Variants in ZBTB16 observed in about 807,000 individuals in gnomAD.
The protein encoded by ZBTB16 is zinc finger and BTB domain containing 16.
ZBTB16 carries 8 observed loss-of-function variants against 56.8 expected under a neutral mutation model. That is an observed-to-expected ratio of 0.14 (90% confidence interval 0.08 to 0.25). The LOEUF (loss-of-function observed/expected upper bound fraction) is 0.25. Among genes scored for constraint, ZBTB16 ranks in the 10% least tolerant of loss-of-function variants. The pLI is 1.00. For missense variants in ZBTB16, 625 were observed against 903.0 expected, an observed-to-expected ratio of 0.69 and a Z score of 3.95; for synonymous variants, 363 against 368.5, an observed-to-expected ratio of 0.98 and a Z score of 0.17.
chr11:114,112,095 T>C (rs1941021909), intron 2 of ZBTB16, among the ~76,000 whole-genome samples: 1 of 152,206 alleles, frequency 6.6e-6, no homozygotes, highest in African/African-American at 2.4e-5. Flanking sequence ...ATGTGTAAAT[T>C]TGACTACATC....
chr11:114,078,484 C>T (rs1455178173), intron 2 of ZBTB16, among the ~76,000 whole-genome samples: 1 of 152,194 alleles, frequency 6.6e-6, no homozygotes, highest in East Asian at 1.9e-4. Flanking sequence ...AGTCAATAAG[C>T]TGTCTGAGAA....
At chr11:114,199,265 TGCC>T (rs1943677372) in intron 4 of ZBTB16, among the ~76,000 whole-genome samples, 1 of 147,858 alleles carries the variant, frequency 6.8e-6, no homozygotes, top group African/African-American at 2.6e-5. Context: ...CGGACATGGA[TGCC>T]GCTGGGCCCA....
At chr11:114,202,391 G>A (rs763531484) in intron 4 of ZBTB16, among the ~76,000 whole-genome samples, 3 of 152,104 alleles carry the variant, frequency 2.0e-5, no homozygotes, top group Non-Finnish European at 2.9e-5. Flanking sequence ...ATGGTACCAC[G>A]AGGTCACAGA....
intron 2 of ZBTB16, among the ~76,000 whole-genome samples, chr11:114,083,063 G>A (rs1038844656): frequency 4.6e-5 from 7 of 152,204 alleles, no homozygotes; most frequent in African/African-American, 1.7e-4. Flanking sequence ...TAACCTCAAC[G>A]GAGGAGCGGG....
chr11:114,089,871 G>A (rs1940120685), intron 2 of ZBTB16, among the ~76,000 whole-genome samples: 1 of 152,224 alleles, frequency 6.6e-6, no homozygotes, highest in Non-Finnish European at 1.5e-5. Flanking sequence ...AAGGTTCAGA[G>A]GTTTTATAGG....
At chr11:114,247,502 G>C (rs1029317593) in intron 6 of ZBTB16, 137 bp downstream of exon 6, 81 of 1,284,500 alleles carry the variant, frequency 6.3e-5, no homozygotes, top group Non-Finnish European at 8.5e-5. Context: ...ATTAAGAGCT[G>C]GTATGGTGGC....
In ZBTB16 at chr11:114,253,832, G is replaced by A. The variant is rs12573952; in HGVS notation, c.*3277G>A. Among the ~76,000 whole-genome samples, 8,037 of 152,306 alleles carry A rather than the reference G, an allele frequency of 0.053. 266 individuals carry two copies. The highest frequency in any genetic ancestry group is 0.074 in the Non-Finnish European group (5,061 of 68,018). ...AGGCTTTATATGTGTCTGGAGTTAA[G>A]GGGAGAGGAGGAGGGTAGACAGGGG... On this transcript the variant is annotated 3_prime_UTR_variant, in exon 7 of 7. Coordinates refer to ENST00000335953, the MANE Select transcript of ZBTB16 (RefSeq NM_006006.6).
chr11:114,179,409 T>C (rs537544431), intron 3 of ZBTB16, among the ~76,000 whole-genome samples: 1 of 152,316 alleles, frequency 6.6e-6, no homozygotes, highest in African/African-American at 2.4e-5. Context: ...TAAGAGGTAC[T>C]GTAAATAAAA....
At chr11:114,181,785 T>C (rs888539825) in intron 3 of ZBTB16, among the ~76,000 whole-genome samples, 2 of 152,150 alleles carry the variant, frequency 1.3e-5, no homozygotes, top group African/African-American at 4.8e-5. Context: ...GCGCACTTTA[T>C]CTTCTGCTAT....
At chr11:114,197,530 G>T (rs1943637514) in intron 4 of ZBTB16, among the ~76,000 whole-genome samples, 1 of 151,986 alleles carries the variant, frequency 6.6e-6, no homozygotes, top group African/African-American at 2.4e-5. Context: ...CTTGGTGTTG[G>T]CTGCCTGCTT....
chr11:114,219,303 A>C (rs780722400), intron 4 of ZBTB16, among the ~76,000 whole-genome samples: 25 of 152,178 alleles, frequency 1.6e-4, no homozygotes, highest in Non-Finnish European at 3.4e-4. Context: ...ACCAACCAAC[A>C]AACAGAACAC....
At chr11:114,211,139 C>G (rs1033499638) in intron 4 of ZBTB16, among the ~76,000 whole-genome samples, 13 of 152,168 alleles carry the variant, frequency 8.5e-5, no homozygotes, top group African/African-American at 2.9e-4. Flanking sequence ...CCAGGCTGGT[C>G]TCAAACTCCT....
At position 114,124,547 on chromosome 11, in the gene ZBTB16, A is replaced by AAC. The variant is rs1311480904; in HGVS notation, c.1269-31789_1269-31788insCA. ...GGGGGAAGAGGCAAAAACAAAACAA[A>AAC]AAAAAAAACCAAAAAAAAAAAAAAA... On this transcript the variant is annotated intron_variant, in intron 2 of 6. Transcript: ENST00000335953. 5.5e-3 allele frequency among the ~76,000 whole-genome samples: 744 copies of AAC among 135,164 alleles called. 7 individuals carry two copies. The highest frequency in any genetic ancestry group is 0.02 in the African/African-American group (699 of 34,870). The allele number at this position is 135,164 out of a possible 152,430, so 88.7% of individuals were successfully genotyped here. A position where few individuals can be genotyped will look rare whatever the true frequency, so the allele number is the denominator to read the frequency against.
chr11:114,085,820 G>A (rs1939939665), intron 2 of ZBTB16, among the ~76,000 whole-genome samples: 1 of 152,176 alleles, frequency 6.6e-6, no homozygotes, highest in Non-Finnish European at 1.5e-5. Context: ...AGCAGGGAAA[G>A]TGGATTGGGG....
At chr11:114,144,563 C>G (rs1227342414) in intron 2 of ZBTB16, among the ~76,000 whole-genome samples, 2 of 152,204 alleles carry the variant, frequency 1.3e-5, no homozygotes, top group Non-Finnish European at 2.9e-5. Flanking sequence ...GAGCCCTTAA[C>G]AGAGCTTCTT....
chr11:114,098,046 A>G (rs147856779), intron 2 of ZBTB16, among the ~76,000 whole-genome samples: 127 of 152,302 alleles, frequency 8.3e-4, no homozygotes, highest in Middle Eastern at 3.4e-3. Context: ...TCCTCCTGCA[A>G]CTGGTGGCAG....
chr11:114,150,948 G>C (rs938227568), intron 2 of ZBTB16, among the ~76,000 whole-genome samples: 11 of 152,190 alleles, frequency 7.2e-5, no homozygotes, highest in Admixed American at 6.5e-5. Flanking sequence ...ACAGGACCAG[G>C]AAGTTTGCAT....
chr11:114,200,290 A>G (rs1943707546), intron 4 of ZBTB16, among the ~76,000 whole-genome samples: 1 of 152,150 alleles, frequency 6.6e-6, no homozygotes, highest in South Asian at 2.1e-4. Context: ...CCTCCACTTT[A>G]TTTAGTAGCT....
chr11:114,109,447 T>TA (rs1489146597), intron 2 of ZBTB16, among the ~76,000 whole-genome samples: 1 of 152,160 alleles, frequency 6.6e-6, no homozygotes, highest in Admixed American at 6.5e-5. Flanking sequence ...TGTTGCTCCT[T>TA]ACTGTTGGAG....
Sources: allele counts gnomAD v4.1 joint callset (sites outside exome capture counted in the v4.1 genomes callset), GRCh38; gene constraint gnomAD v4.1.1; transcripts MANE v1.5; gene names NCBI Gene and HGNC (gene_info 2026-07-23, HGNC 2026-07-21).